Variants in DNAH11 observed in about 807,000 individuals in gnomAD.
DNAH11 encodes the protein dynein axonemal heavy chain 11.
In DNAH11, 442 loss-of-function variants were observed where a neutral mutation model predicts 526.0. The ratio of observed to expected loss-of-function variants is 0.84; its 90% CI spans 0.78 to 0.91. The LOEUF (loss-of-function observed/expected upper bound fraction) is 0.91, where lower values mean the gene tolerates loss of function less well. Ranked by LOEUF, DNAH11 falls within the 40% of genes least tolerant of loss-of-function variation. The probability of loss-of-function intolerance (pLI) is 0.00; values close to 1 mark genes in which losing one functional copy is unlikely to be tolerated. For missense variants in DNAH11, 6,989 were observed against 5,448.7 expected (o/e 1.28, Z -8.90); for synonymous variants, 2,461 against 1,935.9 (o/e 1.27, Z -7.12).
Position 21,635,925 on chromosome 7 carries a change from G to A in DNAH11, c.4555G>A (p.Val1519Met). The part of the protein sequence containing the change: ...SKYVEYFIEQ[V>M]LSWQNKLNIA... ...GTATGTAGAATATTTCATTGAGCAA[G>A]TGTTAAGCTGGCAAAATAAATTAAA... Residue 1519 changes from valine (V) to methionine (M), a missense_variant, in exon 26 of 82, where the codon GTG (valine) becomes ATG (methionine). Coordinates refer to ENST00000409508, the MANE Select transcript of DNAH11 (RefSeq NM_001277115.2). The A allele has an allele frequency of 6.2e-7, 1 of 1,613,358 alleles. No individual in the cohort carries two copies. The highest frequency in any genetic ancestry group is 8.5e-7 in the Non-Finnish European group (1 of 1,179,630).
chr7:21,847,779 A>G (rs1437226433), intron 66 of DNAH11, among the ~76,000 whole-genome samples: 1 of 152,146 alleles, frequency 6.6e-6, no homozygotes, highest in Non-Finnish European at 1.5e-5. Flanking sequence ...TTGTCCAGCT[A>G]TAATTGTGGA....
In DNAH11 at chr7:21,750,272, G is replaced by A; in HGVS notation, c.8848G>A (p.Gly2950Arg). The A allele has an allele frequency of 6.2e-7, 1 of 1,604,920 alleles. No homozygotes were observed. Among genetic ancestry groups the A allele is most frequent in the Non-Finnish European group, 8.5e-7 (1 of 1,175,498 alleles). The part of the protein sequence containing the change: ...SDEDVDKIIS[G>R]IHNEVHALGM... Reference sequence around the variant, plus strand: ...TGAAGATGTGGACAAGATAATTTCTGGAATTCATAATGAAGTTCATGCTCT... The same window carrying A: ...TGAAGATGTGGACAAGATAATTTCTAGAATTCATAATGAAGTTCATGCTCT... The change falls in exon 54 of 82, where the codon GGA (glycine) becomes AGA (arginine). Residue 2950 changes from glycine to arginine, a missense_variant. Coordinates refer to ENST00000409508, the MANE Select transcript of DNAH11 (RefSeq NM_001277115.2).
chr7:21,757,387 C>T (rs10264852), intron 54 of DNAH11, among the ~76,000 whole-genome samples: 7,188 of 152,176 alleles, frequency 0.047, 541 homozygotes, highest in African/African-American at 0.16. Context: ...AAAGGTGTTG[C>T]AGTTTATCCT....
At position 21,725,923 on chromosome 7, in the gene DNAH11, A is replaced by G. The variant is rs770671851; in HGVS notation, c.7379A>G (p.Lys2460Arg). The stretch of plus-strand genomic sequence containing the variant: ...TATTATGTGGACCACAAAACTAAGA[A>G]ATTATTGCCCTGGGCTGACAAAATT... ...FDYYVDHKTK[K>R]LLPWADKIAQ... The change falls in exon 45 of 82, where the codon AAA (lysine) becomes AGA (arginine). Residue 2460 changes from lysine (K) to arginine (R), a missense_variant. Lys to Arg is a conservative substitution (Grantham distance 26, BLOSUM62 2). Coordinates refer to ENST00000409508, the MANE Select transcript of DNAH11 (RefSeq NM_001277115.2). 12 of 1,575,310 alleles carry G rather than the reference A, an allele frequency of 7.6e-6. No homozygotes were observed. The East Asian group carries it at 9.2e-5, about 12-fold the overall frequency.
At chr7:21,786,070 A>G (rs1373027185) in intron 58 of DNAH11, among the ~76,000 whole-genome samples, 1 of 152,220 alleles carries the variant, frequency 6.6e-6, no homozygotes, top group South Asian at 2.1e-4. Context: ...AATCAGTGGC[A>G]TCACCTGAGG....
chr7:21,855,029 ATTTTTTTTT>A (rs61635369), intron 68 of DNAH11, among the ~76,000 whole-genome samples: 5 of 114,574 alleles, frequency 4.4e-5, no homozygotes, highest in African/African-American at 1.3e-4. Flanking sequence ...CAGTCTCTTA[ATTTTTTTTT>A]TTTTTTTTTT....
At chr7:21,706,971 A>G (rs1027950633) in intron 39 of DNAH11, among the ~76,000 whole-genome samples, 2 of 152,220 alleles carry the variant, frequency 1.3e-5, no homozygotes, top group African/African-American at 4.8e-5. Context: ...TTCCTCAATT[A>G]CCAGGATCAG....
At chr7:21,630,236 T>C (rs1786541249) in intron 25 of DNAH11, among the ~76,000 whole-genome samples, 2 of 152,132 alleles carry the variant, frequency 1.3e-5, no homozygotes, top group South Asian at 4.1e-4. Context: ...TTTTGAGCTT[T>C]AGTTGTCTCA....
chr7:21,634,112 A>G (rs968169822), intron 25 of DNAH11, among the ~76,000 whole-genome samples: 1 of 152,216 alleles, frequency 6.6e-6, no homozygotes, highest in Non-Finnish European at 1.5e-5. Context: ...TATTAGACAT[A>G]AGACATTTAG....
At position 21,615,134 on chromosome 7, in the gene DNAH11, CTTA is replaced by C; in HGVS notation, c.3874_3876del (p.Leu1292del). 1 of 1,611,890 alleles carries C rather than the reference CTTA, an allele frequency of 6.2e-7. No individual in the cohort carries two copies. The highest frequency in any genetic ancestry group is 1.1e-5 in the South Asian group (1 of 90,608). ...CTTAGGCAAATGAAGAGCTTGAGGC[CTTA>C]GAAGAAGAAATGTTGCAGATGCAAG... is the stretch of plus-strand genomic sequence containing the variant. On this transcript the variant is annotated inframe_deletion, in exon 21 of 82. Coordinates refer to ENST00000409508, the MANE Select transcript of DNAH11 (RefSeq NM_001277115.2).
intron 55 of DNAH11, 67 bp from the exon 56 acceptor site, chr7:21,773,699 G>C: frequency 1.3e-6 from 1 of 791,586 alleles, no homozygotes; most frequent in Non-Finnish European, 1.7e-6. Flanking sequence ...TCATTTACTT[G>C]ATTTTTTTTA....
chr7:21,550,972 C>G (rs941972932), intron 2 of DNAH11, among the ~76,000 whole-genome samples: 1 of 152,062 alleles, frequency 6.6e-6, no homozygotes, highest in Non-Finnish European at 1.5e-5. Context: ...TTTTGTTTGT[C>G]TTTTGACAAG....
chr7:21,561,021 G>A (rs1316102982), intron 4 of DNAH11, 50 bp from the exon 5 acceptor site: 7 of 1,264,026 alleles, frequency 5.5e-6, no homozygotes, highest in Non-Finnish European at 7.8e-6. Context: ...CATGTATTTA[G>A]TAATCGAGTT....
chr7:21,860,993 T>C (rs1359689909), intron 68 of DNAH11, among the ~76,000 whole-genome samples: 1 of 152,170 alleles, frequency 6.6e-6, no homozygotes, highest in East Asian at 1.9e-4. Flanking sequence ...GATTCAGTTA[T>C]CTTCCACCAG....
chr7:21,595,976 G>C (rs1050157423), intron 14 of DNAH11, among the ~76,000 whole-genome samples: 6 of 152,158 alleles, frequency 3.9e-5, no homozygotes. Flanking sequence ...GGTTCGGAGG[G>C]TAACAGATTT....
intron 56 of DNAH11, among the ~76,000 whole-genome samples, chr7:21,777,640 A>C (rs1038445734): frequency 2.0e-5 from 3 of 152,172 alleles, no homozygotes; most frequent in African/African-American, 4.8e-5. Flanking sequence ...TGGTGGTTTT[A>C]CTTGAATTTT....
At chr7:21,779,949 C>G (rs548574962) in intron 57 of DNAH11, among the ~76,000 whole-genome samples, 2 of 151,994 alleles carry the variant, frequency 1.3e-5, no homozygotes, top group South Asian at 2.1e-4. Context: ...TGCCATTTTT[C>G]TTGTATTTTA....
chr7:21,615,312 G>A, intron 21 of DNAH11, 40 bp downstream of exon 21: 3 of 1,598,176 alleles, frequency 1.9e-6, no homozygotes, highest in Non-Finnish European at 2.6e-6. Context: ...TTATTTAGTA[G>A]TTCTTTTACA....
chr7:21,661,004 T>A (rs371770086), intron 30 of DNAH11, among the ~76,000 whole-genome samples: 14 of 152,232 alleles, frequency 9.2e-5, no homozygotes, highest in East Asian at 1.9e-4. Context: ...GTTGTCTAAC[T>A]TCTTATCAGG....
Sources: allele counts gnomAD v4.1 joint callset (sites outside exome capture counted in the v4.1 genomes callset), GRCh38; gene constraint gnomAD v4.1.1; transcripts MANE v1.5; gene names NCBI Gene and HGNC (gene_info 2026-07-23, HGNC 2026-07-21).